The following CPA5 variants were observed in gnomAD, a reference collection of about 807,000 sequenced individuals.
CPA5 encodes testicular tissue protein Li 32.
In CPA5, 38 loss-of-function variants were observed where a neutral mutation model predicts 52.2. That is an observed-to-expected ratio of 0.73 (90% CI 0.56 to 0.95). The LOEUF (loss-of-function observed/expected upper bound fraction) is 0.95. Among genes scored for constraint, CPA5 ranks in the 40% least tolerant of loss-of-function variants. CPA5 has a pLI of 0.00. For synonymous variants in CPA5, 198 were observed against 213.7 expected, an observed-to-expected ratio of 0.93 and a Z score of 0.64; for missense variants, 519 against 566.7, an observed-to-expected ratio of 0.92 and a Z score of 0.86.
intron 10 of CPA5, among the ~76,000 whole-genome samples, chr7:130,363,752 T>G (rs1200371376): frequency 6.6e-6 from 1 of 152,046 alleles, no homozygotes; most frequent in African/African-American, 2.4e-5. Context: ...GGGAAACAGT[T>G]AGGGGAGCCC....
rs1795683462 is a variant in CPA5, at chr7:130,359,655, T to G, written c.400T>G (p.Phe134Val). 6.3e-7 allele frequency: 1 copy of G among 1,586,744 alleles called. No individual in the cohort carries two copies. The highest frequency in any genetic ancestry group is 2.3e-5 in the East Asian group (1 of 43,994). Residue 134 changes from phenylalanine (F) to valine (V), a missense_variant, in exon 6 of 13, where the codon TTC (phenylalanine) becomes GTC (valine). Coordinates refer to ENST00000474905, the MANE Select transcript of CPA5 (RefSeq NM_080385.5). ...SRRLERSTNS[F>V]SYSSYHTLEE... ...CCGGCTGGAGCGCAGCACCAACAGC[T>G]TCAGTTACTCATCATACCACACCCT...
intron 10 of CPA5, among the ~76,000 whole-genome samples, 163 bp downstream of exon 10, chr7:130,363,672 C>T (rs1795919987): frequency 6.6e-6 from 1 of 152,168 alleles, no homozygotes; most frequent in Non-Finnish European, 1.5e-5. Flanking sequence ...GCACATACCT[C>T]AGACTGGCTG....
intron 1 of CPA5, 185 bp from the exon 2 acceptor site, chr7:130,345,654 C>T (rs1245418295): frequency 6.6e-6 from 1 of 152,196 alleles, no homozygotes; most frequent in Non-Finnish European, 1.5e-5. Flanking sequence ...ATGATGACCA[C>T]CTGAAGACAG....
At chr7:130,350,433 G>A (rs10247835) in intron 5 of CPA5, among the ~76,000 whole-genome samples, 75,689 of 151,932 alleles carry the variant, frequency 0.5, 19,135 homozygotes, top group Admixed American at 0.59. Context: ...TCTTCCCCAG[G>A]CACCGTGGGA....
Position 130,362,682 on chromosome 7 carries a change from A to G in CPA5, c.636+143A>G, listed in dbSNP as rs574310370. On this transcript the variant is annotated intron_variant, in intron 8 of 12. Transcript: ENST00000474905. Reference sequence around the variant, plus strand: ...CCGCCCTTTGGAGCAGCCACCGTGCACTCTTACCTTTTGCAGCACGGAGCC... The same window carrying G: ...CCGCCCTTTGGAGCAGCCACCGTGCGCTCTTACCTTTTGCAGCACGGAGCC... The G allele has an allele frequency of 5.9e-5, 39 of 664,828 alleles. No individual in the cohort carries two copies. The African/African-American group carries it at 6.1e-4, about 10-fold the overall frequency. The allele number at this position is 664,828 out of a possible 1,614,324, so 41.2% of individuals were successfully genotyped here. A position where few individuals can be genotyped will look rare whatever the true frequency, so the allele number is the denominator to read the frequency against.
At chr7:130,351,167 C>G (rs782492083) in intron 5 of CPA5, among the ~76,000 whole-genome samples, 1 of 152,174 alleles carries the variant, frequency 6.6e-6, no homozygotes, top group Admixed American at 6.6e-5. Context: ...ATCTGTTTCC[C>G]GCTCAACGTG....
downstream of CPA5, among the ~76,000 whole-genome samples, chr7:130,370,894 G>A (rs1554409858): frequency 2.0e-5 from 3 of 152,224 alleles, no homozygotes; most frequent in Admixed American, 1.3e-4. Flanking sequence ...CTCCCGGGAA[G>A]AATATATTCC....
chr7:130,354,279 T>C (rs1293813128), intron 5 of CPA5, among the ~76,000 whole-genome samples: 1 of 152,194 alleles, frequency 6.6e-6, no homozygotes, highest in Non-Finnish European at 1.5e-5. Flanking sequence ...CAACTTCCTC[T>C]TTCTTTCCCA....
In CPA5 at chr7:130,351,041, A is replaced by T. The variant is rs138454178; in HGVS notation, c.333+932A>T. 2.0e-5 allele frequency among the ~76,000 whole-genome samples: 3 copies of T among 152,338 alleles called. No homozygotes were observed. The East Asian group carries it at 5.8e-4, about 29-fold the overall frequency. On this transcript the variant is annotated intron_variant, in intron 5 of 12. Transcript: ENST00000474905. ...GGGAACACAGAGCCTCCCGGAGCGC[A>T]CACACTTGACACCGTATGTCAGGGG... is the stretch of plus-strand genomic sequence containing the variant.
intron 5 of CPA5, among the ~76,000 whole-genome samples, chr7:130,356,766 G>T (rs1239041750): frequency 6.6e-6 from 1 of 152,112 alleles, no homozygotes; most frequent in Admixed American, 6.5e-5. Context: ...GAGTCTTCTA[G>T]TCCTTTCTTT....
downstream of CPA5, among the ~76,000 whole-genome samples, chr7:130,373,214 GT>G (rs529646455): frequency 4.7e-4 from 71 of 151,882 alleles, 1 homozygote; most frequent in South Asian, 0.01. Context: ...AACCCTGAAC[GT>G]TTTTTCCCCC....
intron 5 of CPA5, among the ~76,000 whole-genome samples, chr7:130,356,360 C>T (rs1554405219): frequency 1.3e-5 from 2 of 152,180 alleles, no homozygotes; most frequent in Admixed American, 1.3e-4. Flanking sequence ...TCCAGGGAGG[C>T]AGATGGCTTA....
chr7:130,349,854 C>A, intron 4 of CPA5, 121 bp from the exon 5 acceptor site: 2 of 1,177,030 alleles, frequency 1.7e-6, no homozygotes, highest in Non-Finnish European at 2.4e-6. Context: ...CCGTCCCCAT[C>A]TCCTGCGTAG....
At position 130,362,443 on chromosome 7, in the gene CPA5, C is replaced by T. The variant is rs911878292; in HGVS notation, c.540C>T (p.Ser180=). ...GGCCCGATTCTTTTTCTCAGTTCAG[C>T]ACTGGAGGTTCTCGGCACCCAGCCA... is the stretch of plus-strand genomic sequence containing the variant. ...ENQSILVLKF[S]TGGSRHPAIW... The change falls in exon 8 of 13, where the codon AGC becomes AGT. Residue 180 remains serine, a synonymous_variant. Coordinates refer to ENST00000474905, the MANE Select transcript of CPA5 (RefSeq NM_080385.5). 1.2e-6 allele frequency: 2 copies of T among 1,610,688 alleles called. No individual in the cohort carries two copies. Among genetic ancestry groups the T allele is most frequent in the Non-Finnish European group, 1.7e-6 (2 of 1,177,170 alleles).
chr7:130,353,054 G>A (rs1473666458), intron 5 of CPA5, among the ~76,000 whole-genome samples: 9 of 152,028 alleles, frequency 5.9e-5, no homozygotes, highest in South Asian at 2.1e-4. Context: ...TAAATACTGC[G>A]TTGCCAATTT....
intron 5 of CPA5, among the ~76,000 whole-genome samples, chr7:130,357,484 G>C (rs1861879): frequency 1.3e-5 from 2 of 151,970 alleles, no homozygotes; most frequent in African/African-American, 4.8e-5. Flanking sequence ...TTAGCCAGGC[G>C]TGGTGGTGCA....
chr7:130,365,330 G>A (rs1326072569), intron 10 of CPA5, among the ~76,000 whole-genome samples: 1 of 152,146 alleles, frequency 6.6e-6, no homozygotes, highest in African/African-American at 2.4e-5. Context: ...AAGATAGGCT[G>A]GCTAGTAGAA....
chr7:130,347,891 G>C (rs1794868988), intron 4 of CPA5, 44 bp downstream of exon 4: 2 of 1,509,634 alleles, frequency 1.3e-6, no homozygotes, highest in Non-Finnish European at 1.8e-6. Context: ...CCCCTCCTCA[G>C]TGGCTCACAC....
intron 10 of CPA5, 80 bp from the exon 11 acceptor site, chr7:130,367,292 G>T: frequency 1.6e-6 from 2 of 1,243,610 alleles, no homozygotes; most frequent in South Asian, 1.2e-5. Context: ...AAATGTAGGG[G>T]AACACACAGG....
Sources: allele counts gnomAD v4.1 joint callset (sites outside exome capture counted in the v4.1 genomes callset), GRCh38; gene constraint gnomAD v4.1.1; transcripts MANE v1.5; gene names NCBI Gene and HGNC (gene_info 2026-07-23, HGNC 2026-07-21).